The following ANKRD35 variants were observed in gnomAD, a reference collection of about 807,000 sequenced individuals.
The protein encoded by ANKRD35 is ankyrin repeat domain 35, also known as ankyrin repeat domain-containing protein 35.
A neutral mutation model predicts 109.9 loss-of-function variants in ANKRD35; 102 were observed. That is an observed-to-expected ratio of 0.93 (90% CI 0.79 to 1.09). The LOEUF is 1.09. Among genes scored for constraint, ANKRD35 ranks in the 50% least tolerant of loss-of-function variants. The probability of loss-of-function intolerance (pLI) is 0.00; values close to 1 mark genes in which losing one functional copy is unlikely to be tolerated. For missense variants in ANKRD35, 1,240 were observed against 1,230.1 expected, an observed-to-expected ratio of 1.01 and a Z score of -0.12; for synonymous variants, 515 against 512.4, an observed-to-expected ratio of 1.01 and a Z score of -0.07.
chr1:145,879,717 A>G (rs1654218945), intron 1 of ANKRD35, among the ~76,000 whole-genome samples: 1 of 152,162 alleles, frequency 6.6e-6, no homozygotes, highest in Non-Finnish European at 1.5e-5. Context: ...TCAGTGCCCA[A>G]CCTCAGAGCA....
chr1:145,872,565 G>A lies in ANKRD35; in HGVS notation c.2204C>T (p.Thr735Ile), dbSNP rs1553738989. 2 of 1,611,116 alleles carry A rather than the reference G, an allele frequency of 1.2e-6. No individual in the cohort carries two copies. The highest frequency in any genetic ancestry group is 2.2e-5 in the East Asian group (1 of 44,792). The change falls in exon 10 of 14, where the codon ACC becomes ATC. Residue 735 changes from threonine (T) to isoleucine (I), a missense_variant. Transcript: ENST00000355594. ...GGCCTCCCGGTGCCGATCCACCAGG[G>A]TGCTGATGCAGGCCCGCAGCTCCTC... ...SLEELRACIS[T>I]LVDRHREAQQ...
At chr1:145,879,167 TG>T in intron 2 of ANKRD35, 90 bp downstream of exon 2, 1 of 1,387,036 alleles carries the variant, frequency 7.2e-7, no homozygotes, top group Non-Finnish European at 9.5e-7. Context: ...GCTCTGAAGT[TG>T]TAGGCATTCC....
chr1:145,875,119 C>T (rs1311246134), intron 7 of ANKRD35, 113 bp from the exon 8 acceptor site: 6 of 1,055,018 alleles, frequency 5.7e-6, no homozygotes, highest in Non-Finnish European at 8.2e-6. Context: ...AGGAGAACAA[C>T]AGACCAACAT....
Position 145,867,984 on chromosome 1 carries a change from T to C in ANKRD35, c.2943+7A>G. 6.2e-7 allele frequency: 1 copy of C among 1,614,000 alleles called. No individual in the cohort carries two copies. The highest frequency in any genetic ancestry group is 2.2e-5 in the East Asian group (1 of 44,868). The stretch of plus-strand genomic sequence containing the variant: ...CTATACCTCCCTCAAAACTCCACCA[T>C]GCTCACCCGAGCAGCATTCAGTAGA... On this transcript the variant is annotated splice_region_variant and intron_variant, in intron 12 of 13. Coordinates refer to ENST00000355594, the MANE Select transcript of ANKRD35 (RefSeq NM_144698.5).
chr1:145,885,652 G>A (rs1273220761), intron 1 of ANKRD35, 68 bp downstream of exon 1: 1 of 1,527,444 alleles, frequency 6.5e-7, no homozygotes, highest in Non-Finnish European at 9.1e-7. Flanking sequence ...ATTGAGACGG[G>A]ACTAAAGACT....
chr1:145,880,421 A>G (rs1476416748), intron 1 of ANKRD35, among the ~76,000 whole-genome samples: 2 of 152,226 alleles, frequency 1.3e-5, no homozygotes, highest in East Asian at 1.9e-4. Context: ...ATTCTCGGCT[A>G]TGTGACCTAA....
chr1:145,883,736 T>C (rs1357369586), intron 1 of ANKRD35, among the ~76,000 whole-genome samples: 1 of 152,146 alleles, frequency 6.6e-6, no homozygotes, highest in Non-Finnish European at 1.5e-5. Flanking sequence ...TGACAAATGG[T>C]TCCAGAGTAG....
In ANKRD35 at chr1:145,872,870, C is replaced by A; in HGVS notation, c.1899G>T (p.Glu633Asp). 2 of 1,614,160 alleles carry A rather than the reference C, an allele frequency of 1.2e-6. No individual in the cohort carries two copies. The change falls in exon 10 of 14, where the codon GAG becomes GAT. Residue 633 changes from glutamate to aspartate, a missense_variant. By Grantham distance (45) the Glu-to-Asp change is conservative. Coordinates refer to ENST00000355594, the MANE Select transcript of ANKRD35 (RefSeq NM_144698.5). ...SNSNLLEELG[E>D]LGRERQRLQR... ...GCAACCTCTGCCGCTCCCGCCCCAA[C>A]TCCCCTAACTCCTCCAGCAAGTTAC...
At chr1:145,875,792 C>T (rs1654047829) in intron 7 of ANKRD35, among the ~76,000 whole-genome samples, 1 of 152,144 alleles carries the variant, frequency 6.6e-6, no homozygotes, top group Non-Finnish European at 1.5e-5. Context: ...TCGTGATCCA[C>T]CCGCCTTGGC....
intron 1 of ANKRD35, among the ~76,000 whole-genome samples, chr1:145,881,949 C>CTTTTTTTTTT (rs782253954): frequency 9.6e-6 from 1 of 104,636 alleles, no homozygotes. Flanking sequence ...CTTTCCCCTT[C>CTTTTTTTTTT]TTTTTTTTTT....
rs1559175777 is a variant in ANKRD35, at chr1:145,876,645, GAGA to G, written c.383-9_383-7del. The G allele has an allele frequency of 2.5e-6, 4 of 1,614,120 alleles. No individual in the cohort carries two copies. The South Asian group carries it at 3.3e-5, about 13-fold the overall frequency. On this transcript the variant is annotated splice_region_variant and splice_polypyrimidine_tract_variant and intron_variant, in intron 5 of 13. Coordinates refer to ENST00000355594, the MANE Select transcript of ANKRD35 (RefSeq NM_144698.5). ...TGAGGCACAGCCAGAGGAGGCTGGG[GAGA>G]AGATGTTTGGGTTAAGGGGAAGCAT...
At chr1:145,884,036 C>T (rs1654392620) in intron 1 of ANKRD35, among the ~76,000 whole-genome samples, 1 of 152,110 alleles carries the variant, frequency 6.6e-6, no homozygotes, top group South Asian at 2.1e-4. Context: ...GTTCCAAATT[C>T]CAAAAGCCAG....
intron 1 of ANKRD35, among the ~76,000 whole-genome samples, chr1:145,883,350 G>A (rs1281863685): frequency 6.6e-6 from 1 of 152,206 alleles, no homozygotes; most frequent in Non-Finnish European, 1.5e-5. Flanking sequence ...CTCCCAAAGT[G>A]CTGGGATTAC....
intron 1 of ANKRD35, among the ~76,000 whole-genome samples, 194 bp downstream of exon 1, chr1:145,885,526 G>A (rs1654444911): frequency 6.6e-6 from 1 of 152,084 alleles, no homozygotes; most frequent in South Asian, 2.1e-4. Context: ...GATGGCAGAG[G>A]TGAGCAGGGC....
chr1:145,873,074 C>T lies in ANKRD35; in HGVS notation c.1695G>A (p.Glu565=). The T allele has an allele frequency of 1.2e-6, 2 of 1,612,534 alleles. No homozygotes were observed. The highest frequency in any genetic ancestry group is 1.7e-6 in the Non-Finnish European group (2 of 1,179,266). ...CTGCCTTTAGGGCTCCCTCTCTGGA[C>T]TCCTGGGAAGGAACCTCAGGTTTCA... ...LQVKPEVPSQ[E]SREGALKAAP... Residue 565 remains glutamate, a synonymous_variant, in exon 10 of 14, where the codon GAG becomes GAA. Transcript: ENST00000355594.
intron 5 of ANKRD35, 83 bp downstream of exon 5, chr1:145,876,733 C>G (rs1654091896): frequency 1.9e-6 from 3 of 1,609,372 alleles, no homozygotes; most frequent in Admixed American, 3.3e-5. Flanking sequence ...TTGGTTGGCC[C>G]TGGCTGCCCT....
chr1:145,884,822 G>A (rs1654420542), intron 1 of ANKRD35, among the ~76,000 whole-genome samples: 1 of 152,166 alleles, frequency 6.6e-6, no homozygotes, highest in Admixed American at 6.5e-5. Context: ...AGGCAGAAAG[G>A]CCTTGAGCCT....
At position 145,876,600 on chromosome 1, in the gene ANKRD35, T is replaced by C. The variant is rs1654084788; in HGVS notation, c.422A>G (p.Asp141Gly). The change falls in exon 6 of 14, where the codon GAC becomes GGC. Residue 141 changes from aspartate to glycine, a missense_variant. By Grantham distance (94) the Asp-to-Gly change is moderately conservative. Transcript: ENST00000355594. ...CAACACGTCCAGGAAGGCTTCGTGG[T>C]CACACAGCAGGAGCACACTTGAGGC... ...GCASSVLLLC[D>G]HEAFLDVLDN... is the part of the protein sequence containing the mutation. 4 of 1,614,006 alleles carry C rather than the reference T, an allele frequency of 2.5e-6. No individual in the cohort carries two copies. In the African/African-American group the frequency reaches 4.0e-5, roughly 16 times the overall value.
At position 145,874,877 on chromosome 1, in the gene ANKRD35, T is replaced by C. The variant is rs1341288186; in HGVS notation, c.690A>G (p.Gln230=). 1 of 1,612,826 alleles carries C rather than the reference T, an allele frequency of 6.2e-7. No homozygotes were observed. Among genetic ancestry groups the C allele is most frequent in the Admixed American group, 1.7e-5 (1 of 59,886 alleles). ...GTAGGTGCCTCCACAGTGCCTTGTC[T>C]TGTGTGTGCAGAGCATAGTGCAGAG... is the stretch of plus-strand genomic sequence containing the variant. ...HDALHYALHT[Q]DKALWRHLQQ... Residue 230 remains glutamine, a synonymous_variant, in exon 8 of 14, where the codon CAA becomes CAG. Transcript: ENST00000355594.
Sources: gnomAD v4.1 joint callset for allele counts (sites outside exome capture counted in the v4.1 genomes callset) on GRCh38, gnomAD v4.1.1 for gene constraint, MANE v1.5 for transcripts, NCBI Gene and HGNC (gene_info 2026-07-23, HGNC 2026-07-21) for gene names.